Variants in DNAJC8 observed in about 807,000 individuals in gnomAD.
DNAJC8 encodes the protein dnaJ homolog subfamily C member 8.
DNAJC8 carries 24 observed loss-of-function variants against 43.2 expected under a neutral mutation model. The observed-to-expected ratio is 0.56, with a 90% confidence interval of 0.40 to 0.78. DNAJC8 has a LOEUF of 0.78. DNAJC8 is among the 30% of genes least tolerant of loss of function. The pLI, the probability that DNAJC8 is intolerant of heterozygous loss-of-function variation, is 0.00. For missense variants in DNAJC8, 207 were observed against 299.4 expected (o/e 0.69, Z 2.28); for synonymous variants, 83 against 98.0 (o/e 0.85, Z 0.90).
In DNAJC8 at chr1:28,228,821, C is replaced by T. The variant is rs1646955037; in HGVS notation, c.180+101G>A. On this transcript the variant is annotated intron_variant, in intron 2 of 8. Coordinates refer to ENST00000263697, the MANE Select transcript of DNAJC8 (RefSeq NM_014280.3). Reference sequence around the variant, plus strand: ...CTTTACTCCACCATTTTTCTCAATCCTAACTATGATATAAATTAGGTATGT... The same window carrying T: ...CTTTACTCCACCATTTTTCTCAATCTTAACTATGATATAAATTAGGTATGT... The T allele has an allele frequency of 7.2e-6, 7 of 968,086 alleles. 1 individual carries two copies. The East Asian group carries it at 1.4e-4, about 20-fold the overall frequency. 60.0% of individuals were successfully genotyped at this position (968,086 alleles called of 1,614,324 possible).
At chr1:28,222,132 T>C (rs1316630357) in intron 2 of DNAJC8, among the ~76,000 whole-genome samples, 1 of 152,034 alleles carries the variant, frequency 6.6e-6, no homozygotes, top group East Asian at 1.9e-4. Flanking sequence ...TTTTACAAGA[T>C]GAAAAGAGTT....
intron 5 of DNAJC8, among the ~76,000 whole-genome samples, chr1:28,209,416 A>G (rs1646794067): frequency 6.6e-6 from 1 of 152,212 alleles, no homozygotes; most frequent in Admixed American, 6.5e-5. Flanking sequence ...CCATACTGAC[A>G]TTTCCCACCA....
At chr1:28,224,832 C>T (rs1646922871) in intron 2 of DNAJC8, among the ~76,000 whole-genome samples, 1 of 151,984 alleles carries the variant, frequency 6.6e-6, no homozygotes, top group Non-Finnish European at 1.5e-5. Flanking sequence ...TGCAGTGAAC[C>T]GATATTGCGC....
At chr1:28,214,873 C>A in intron 3 of DNAJC8, 67 bp downstream of exon 3, 1 of 1,402,302 alleles carries the variant, frequency 7.1e-7, no homozygotes. Context: ...TCAATAATAG[C>A]AAGTGATAAA....
At position 28,222,090 on chromosome 1, in the gene DNAJC8, G is replaced by A. The variant is rs181747230; in HGVS notation, c.180+6832C>T. Among the ~76,000 whole-genome samples, 242 of 152,228 alleles carry A rather than the reference G, an allele frequency of 1.6e-3. 2 individuals are homozygous for A. The highest frequency in any genetic ancestry group is 5.3e-3 in the African/African-American group (220 of 41,544). ...CCAGGGGCTGGGGAGGGAGGAATGCGGAATTATTGTTTAATGGGTATACAA... is the reference window on the plus strand; with the variant it reads ...CCAGGGGCTGGGGAGGGAGGAATGCAGAATTATTGTTTAATGGGTATACAA... On this transcript the variant is annotated intron_variant, in intron 2 of 8. Coordinates refer to ENST00000263697, the MANE Select transcript of DNAJC8 (RefSeq NM_014280.3).
rs767019381 is a variant in DNAJC8, at chr1:28,208,332, T to C, written c.471+10A>G. ...ACAAGATACAGTGGCTTTTCCTATA[T>C]TTAACTCACCAGCTCAGGATCATCC... On this transcript the variant is annotated intron_variant, in intron 6 of 8. Coordinates refer to ENST00000263697, the MANE Select transcript of DNAJC8 (RefSeq NM_014280.3). 3.7e-6 allele frequency: 6 copies of C among 1,610,068 alleles called. No homozygotes were observed. In the Admixed American group the frequency reaches 1.0e-4, roughly 27 times the overall value.
chr1:28,229,087 A>C, intron 1 of DNAJC8, 64 bp from the exon 2 acceptor site: 1 of 1,357,886 alleles, frequency 7.4e-7, no homozygotes, highest in Non-Finnish European at 1.0e-6. Context: ...TTATCTTAAC[A>C]AAATGTTCAC....
chr1:28,203,725 C>T (rs1238550837), intron 8 of DNAJC8, 22 bp downstream of exon 8: 6 of 1,613,494 alleles, frequency 3.7e-6, no homozygotes, highest in Admixed American at 1.7e-5. Context: ...AATTAGAATC[C>T]CTGGCCACCT....
Position 28,217,951 on chromosome 1 carries a change from G to A in DNAJC8, c.181-2955C>T, listed in dbSNP as rs1646870878. Among the ~76,000 whole-genome samples, 3 of 152,036 alleles carry A rather than the reference G, an allele frequency of 2.0e-5. No individual in the cohort carries two copies. In the South Asian group the frequency reaches 6.2e-4, roughly 32 times the overall value. On this transcript the variant is annotated intron_variant, in intron 2 of 8. Transcript: ENST00000263697. Reference sequence around the variant, plus strand: ...AAAAAAAAACTAAAATAGCTATAAAGGGGATTTTGGGGACAGTTGGGCCCA... The same window carrying A: ...AAAAAAAAACTAAAATAGCTATAAAAGGGATTTTGGGGACAGTTGGGCCCA...
intron 1 of DNAJC8, 129 bp from the exon 2 acceptor site, chr1:28,229,152 TA>T: frequency 1.3e-6 from 1 of 758,000 alleles, no homozygotes; most frequent in South Asian, 1.9e-5. Flanking sequence ...GACATTTTGC[TA>T]AATGCTTTGA....
intron 3 of DNAJC8, 45 bp downstream of exon 3, chr1:28,214,895 C>A: frequency 6.6e-7 from 1 of 1,520,828 alleles, no homozygotes; most frequent in East Asian, 2.3e-5. Context: ...GAATCATGTG[C>A]TTCATACATT....
At chr1:28,227,760 G>GAAA (rs1206938400) in intron 2 of DNAJC8, among the ~76,000 whole-genome samples, 1 of 151,704 alleles carries the variant, frequency 6.6e-6, no homozygotes, top group African/African-American at 2.4e-5. Context: ...AAAAGAAAAA[G>GAAA]AAGAAGAAGA....
chr1:28,228,889 T>C lies in DNAJC8; in HGVS notation c.180+33A>G, dbSNP rs1209615639. ...CCTGCAGCTATGCAAATCTCCCCCA[T>C]TACAGAGGCCCTAGCAACATCAATC... On this transcript the variant is annotated intron_variant, in intron 2 of 8. Coordinates refer to ENST00000263697, the MANE Select transcript of DNAJC8 (RefSeq NM_014280.3). 1.9e-6 allele frequency: 3 copies of C among 1,570,284 alleles called. No individual in the cohort carries two copies. The African/African-American group carries it at 4.1e-5, about 21-fold the overall frequency.
chr1:28,214,743 T>C (rs1646839397), intron 3 of DNAJC8, among the ~76,000 whole-genome samples, 197 bp downstream of exon 3: 1 of 152,118 alleles, frequency 6.6e-6, no homozygotes, highest in Non-Finnish European at 1.5e-5. Context: ...ATTCATTCTA[T>C]TCATAGGTAA....
At chr1:28,209,347 C>T (rs1376004430) in intron 5 of DNAJC8, among the ~76,000 whole-genome samples, 1 of 152,150 alleles carries the variant, frequency 6.6e-6, no homozygotes, top group African/African-American at 2.4e-5. Flanking sequence ...TTACAAATGA[C>T]CTCAAGATTC....
chr1:28,220,351 C>G (rs1216894268), intron 2 of DNAJC8, among the ~76,000 whole-genome samples: 1 of 152,236 alleles, frequency 6.6e-6, no homozygotes, highest in Non-Finnish European at 1.5e-5. Context: ...TCAGTACCAA[C>G]TTGTAGAGCA....
chr1:28,206,431 T>G (rs1482964738), intron 6 of DNAJC8, among the ~76,000 whole-genome samples: 1 of 148,910 alleles, frequency 6.7e-6, no homozygotes, highest in Non-Finnish European at 1.5e-5. Context: ...ATGTATAATA[T>G]CCACTAAGGT....
chr1:28,221,394 C>A (rs1646897572), intron 2 of DNAJC8, among the ~76,000 whole-genome samples: 1 of 152,054 alleles, frequency 6.6e-6, no homozygotes, highest in African/African-American at 2.4e-5. Context: ...GGGAGTCCTG[C>A]CCACTCAAAC....
intron 2 of DNAJC8, among the ~76,000 whole-genome samples, chr1:28,221,640 C>T (rs973530159): frequency 6.6e-6 from 1 of 152,158 alleles, no homozygotes; most frequent in South Asian, 2.1e-4. Flanking sequence ...ATTATATGGT[C>T]ATATGTTCCC....
Sources: allele counts gnomAD v4.1 joint callset (sites outside exome capture counted in the v4.1 genomes callset), GRCh38; gene constraint gnomAD v4.1.1; transcripts MANE v1.5; gene names NCBI Gene and HGNC (gene_info 2026-07-23, HGNC 2026-07-21).